PTPN11: variants seen among roughly 807,000 people sequenced by gnomAD.
The protein encoded by PTPN11 is protein tyrosine phosphatase non-receptor type 11.
In PTPN11, 6 loss-of-function variants were observed where a neutral mutation model predicts 78.8. The ratio of observed to expected loss-of-function variants is 0.08; its 90% CI spans 0.04 to 0.15. The LOEUF is 0.15. Ranked by LOEUF, PTPN11 falls within the 10% of genes least tolerant of loss-of-function variation. The probability of loss-of-function intolerance (pLI) is 1.00; values close to 1 mark genes in which losing one functional copy is unlikely to be tolerated. For missense variants in PTPN11, 386 were observed against 744.8 expected (o/e 0.52, Z 5.61); for synonymous variants, 221 against 263.5 (o/e 0.84, Z 1.56).
intron 6 of PTPN11, among the ~76,000 whole-genome samples, chr12:112,463,566 C>G (rs945830846): frequency 1.3e-5 from 2 of 152,312 alleles, no homozygotes; most frequent in Admixed American, 1.3e-4. Context: ...CCTGACTCTT[C>G]TGGCCATGGA....
At chr12:112,439,878 T>C (rs2037856258) in intron 1 of PTPN11, among the ~76,000 whole-genome samples, 1 of 151,888 alleles carries the variant, frequency 6.6e-6, no homozygotes, top group Non-Finnish European at 1.5e-5. Flanking sequence ...TAATAATTAG[T>C]TTTTCCATTT....
Position 112,502,355 on chromosome 12 carries a change from C to T in PTPN11, c.1712+99C>T, listed in dbSNP as rs1592862852. ...ACAAAACACAAGTTTGTAGCACATGCCTTTCACTGGTGCACGTTCCTGTTG... is the reference window on the plus strand; with the variant it reads ...ACAAAACACAAGTTTGTAGCACATGTCTTTCACTGGTGCACGTTCCTGTTG... On this transcript the variant is annotated intron_variant, in intron 14 of 15. Coordinates refer to ENST00000351677, the MANE Select transcript of PTPN11 (RefSeq NM_002834.5). 10 of 943,066 alleles carry T rather than the reference C, an allele frequency of 1.1e-5. No individual in the cohort carries two copies. The East Asian group carries it at 1.9e-4, about 18-fold the overall frequency. 58.4% of individuals were successfully genotyped at this position (943,066 alleles called of 1,614,324 possible).
Position 112,482,124 on chromosome 12 carries a change from C to T in PTPN11, c.1143C>T (p.Gly381=), listed in dbSNP as rs781677115. 5.8e-5 allele frequency: 92 copies of T among 1,595,584 alleles called. No homozygotes were observed. Among genetic ancestry groups the T allele is most frequent in the Non-Finnish European group, 7.3e-5 (85 of 1,163,270 alleles). ...WPDEYALKEY[G]VMRVRNVKES... Reference sequence around the variant, plus strand: ...ATGAGTATGCTCTAAAAGAATATGGCGTCATGCGTGTTAGGAACGTCAAAG... The same window carrying T: ...ATGAGTATGCTCTAAAAGAATATGGTGTCATGCGTGTTAGGAACGTCAAAG... The change falls in exon 10 of 16, where the codon GGC becomes GGT. Residue 381 remains glycine (G), a synonymous_variant. Coordinates refer to ENST00000351677, the MANE Select transcript of PTPN11 (RefSeq NM_002834.5). The surrounding 1 kb of genome is among the most constrained non-coding windows in gnomAD (Gnocchi z 4.4).
At chr12:112,450,266 G>T (rs2135861583) in intron 2 of PTPN11, 52 bp from the exon 3 acceptor site, 1 of 1,474,172 alleles carries the variant, frequency 6.8e-7, no homozygotes, top group Non-Finnish European at 9.5e-7. Flanking sequence ...TGATTTTACT[G>T]GTGTAACTCT....
intron 6 of PTPN11, among the ~76,000 whole-genome samples, chr12:112,471,961 C>A (rs1159305400): frequency 6.6e-6 from 1 of 151,886 alleles, no homozygotes; most frequent in African/African-American, 2.4e-5. Context: ...TCATGTTGGC[C>A]AGGCTGGTTT....
At chr12:112,459,739 A>G (rs2038220014) in intron 6 of PTPN11, among the ~76,000 whole-genome samples, 1 of 152,014 alleles carries the variant, frequency 6.6e-6, no homozygotes, top group African/African-American at 2.4e-5. Flanking sequence ...AAGTGCTGGG[A>G]TTGTAGGTGT....
chr12:112,489,260 C>G, intron 13 of PTPN11, 85 bp downstream of exon 13: 7 of 1,482,858 alleles, frequency 4.7e-6, no homozygotes, highest in Non-Finnish European at 4.7e-6. Flanking sequence ...GGAGGACAGG[C>G]TCTGATAGAC....
chr12:112,461,327 C>CT (rs2038244470), intron 6 of PTPN11, among the ~76,000 whole-genome samples: 2 of 148,722 alleles, frequency 1.3e-5, no homozygotes, highest in African/African-American at 4.9e-5. Flanking sequence ...AAGCAGTTTT[C>CT]TTTTCTTTTT....
chr12:112,452,185 C>A (rs959426711), intron 3 of PTPN11, among the ~76,000 whole-genome samples: 1 of 151,666 alleles, frequency 6.6e-6, no homozygotes, highest in Admixed American at 6.6e-5. Context: ...TCTATTACAA[C>A]TTTTTATTAC....
At chr12:112,435,734 T>A (rs1417314265) in intron 1 of PTPN11, among the ~76,000 whole-genome samples, 2 of 151,218 alleles carry the variant, frequency 1.3e-5, no homozygotes, top group African/African-American at 4.9e-5. Flanking sequence ...AAGAAATAGG[T>A]GTCTGCCTGA....
chr12:112,433,684 C>T (rs1347539208), intron 1 of PTPN11, among the ~76,000 whole-genome samples: 1 of 152,210 alleles, frequency 6.6e-6, no homozygotes, highest in Non-Finnish European at 1.5e-5. Flanking sequence ...GGCGCAGTGG[C>T]TCATGCCTAT....
chr12:112,450,575 C>G (rs2135863361), intron 3 of PTPN11, 63 bp downstream of exon 3: 1 of 1,478,420 alleles, frequency 6.8e-7, no homozygotes, highest in Non-Finnish European at 9.5e-7. Flanking sequence ...GTCAGAAATG[C>G]ATGACGGTCT....
chr12:112,501,987 C>T (rs1403691011), intron 13 of PTPN11, among the ~76,000 whole-genome samples, 157 bp from the exon 14 acceptor site: 1 of 152,124 alleles, frequency 6.6e-6, no homozygotes, highest in African/African-American at 2.4e-5. Context: ...AGGTGAATCC[C>T]CTAACAATTT....
At chr12:112,459,940 C>T (rs1363780388) in intron 6 of PTPN11, among the ~76,000 whole-genome samples, 2 of 150,674 alleles carry the variant, frequency 1.3e-5, no homozygotes, top group Admixed American at 6.6e-5. Flanking sequence ...CACACACACA[C>T]ACTTGCAATT....
chr12:112,441,058 G>A (rs956230238), intron 1 of PTPN11, among the ~76,000 whole-genome samples: 5 of 149,578 alleles, frequency 3.3e-5, no homozygotes, highest in African/African-American at 9.9e-5. Context: ...TCCGCTTCCC[G>A]GGTTCAAGCG....
chr12:112,447,310 G>C (rs2038008848), intron 2 of PTPN11, among the ~76,000 whole-genome samples: 3 of 151,956 alleles, frequency 2.0e-5, no homozygotes, highest in African/African-American at 7.3e-5. Flanking sequence ...TCTTTCCCCA[G>C]AGGAAACCAC....
chr12:112,466,616 T>C (rs1046212682), intron 6 of PTPN11, among the ~76,000 whole-genome samples: 4 of 152,160 alleles, frequency 2.6e-5, no homozygotes, highest in Admixed American at 2.0e-4. Flanking sequence ...CCTCCCAAAG[T>C]GCTAGGATTA....
At chr12:112,425,010 A>G (rs12313943) in intron 1 of PTPN11, among the ~76,000 whole-genome samples, 1,250 of 76,234 alleles carry the variant, frequency 0.016, 8 homozygotes, top group African/African-American at 0.036. Context: ...GTGTGTGTGT[A>G]TGTAGAGATG....
At chr12:112,460,697 C>T (rs955138811) in intron 6 of PTPN11, among the ~76,000 whole-genome samples, 1 of 152,072 alleles carries the variant, frequency 6.6e-6, no homozygotes, top group Non-Finnish European at 1.5e-5. Flanking sequence ...CAAAAATTAG[C>T]TGGGCGTGGT....
Sources: gnomAD v4.1 joint callset for allele counts (sites outside exome capture counted in the v4.1 genomes callset) on GRCh38, gnomAD v4.1.1 for gene constraint, Gnocchi (gnomAD v3.1) non-coding constraint, MANE v1.5 for transcripts, NCBI Gene and HGNC (gene_info 2026-07-23, HGNC 2026-07-21) for gene names.